GNPAT: variants seen among roughly 807,000 people sequenced by gnomAD.
The protein encoded by GNPAT is glyceronephosphate O-acyltransferase.
GNPAT carries 30 observed loss-of-function variants against 78.4 expected under a neutral mutation model. That is an observed-to-expected ratio of 0.38 (90% CI 0.29 to 0.52). The LOEUF (loss-of-function observed/expected upper bound fraction) is 0.52. Among genes scored for constraint, GNPAT ranks in the 20% least tolerant of loss-of-function variants. The probability of loss-of-function intolerance (pLI) is 0.84; values close to 1 mark genes in which losing one functional copy is unlikely to be tolerated. For synonymous variants in GNPAT, 271 were observed against 281.1 expected (o/e 0.96, Z 0.36); for missense variants, 714 against 812.2 (o/e 0.88, Z 1.47).
At chr1:231,249,681 T>C (rs1684838665) in intron 1 of GNPAT, among the ~76,000 whole-genome samples, 1 of 152,228 alleles carries the variant, frequency 6.6e-6, no homozygotes, top group Admixed American at 6.5e-5. Flanking sequence ...TTCGGGACTC[T>C]GGGAGAGCTT....
At chr1:231,265,110 T>G (rs902067732) in intron 4 of GNPAT, among the ~76,000 whole-genome samples, 183 bp from the exon 5 acceptor site, 2 of 152,230 alleles carry the variant, frequency 1.3e-5, no homozygotes, top group Non-Finnish European at 2.9e-5. Context: ...CCCAGTACTT[T>G]GGGAGGCCGA....
intron 9 of GNPAT, 86 bp from the exon 10 acceptor site, chr1:231,270,672 G>C: frequency 7.7e-7 from 1 of 1,291,752 alleles, no homozygotes; most frequent in South Asian, 1.2e-5. Flanking sequence ...CATCTGTCAC[G>C]TTACCATTAA....
In GNPAT at chr1:231,241,431, C is replaced by G; in HGVS notation, c.53C>G (p.Pro18Arg). ...NSYFSVGPTS[P>R]SAVVLLYSKE... ...TATTTCTCCGTTGGCCCAACCAGTC[C>G]CAGCGCTGTCGTGCTCCTCTACTCG... Residue 18 changes from proline (P) to arginine (R), a missense_variant, in exon 1 of 16, where the codon CCC (proline) becomes CGC (arginine). Physicochemically the swap from Pro to Arg is moderately radical, Grantham distance 103 (BLOSUM62 -2). Coordinates refer to ENST00000366647, the MANE Select transcript of GNPAT (RefSeq NM_014236.4). The G allele has an allele frequency of 1.2e-6, 2 of 1,613,644 alleles. No homozygotes were observed. The highest frequency in any genetic ancestry group is 1.7e-6 in the Non-Finnish European group (2 of 1,179,578).
At chr1:231,256,359 C>G (rs1157469468) in intron 2 of GNPAT, among the ~76,000 whole-genome samples, 1 of 152,054 alleles carries the variant, frequency 6.6e-6, no homozygotes, top group African/African-American at 2.4e-5. Context: ...CCAGTTTTCC[C>G]TGTCTCCAGG....
At chr1:231,259,117 G>A (rs1685149017) in intron 2 of GNPAT, among the ~76,000 whole-genome samples, 1 of 150,892 alleles carries the variant, frequency 6.6e-6, no homozygotes, top group African/African-American at 2.4e-5. Context: ...TTAGTCTTCA[G>A]TCCATTCAGT....
intron 1 of GNPAT, among the ~76,000 whole-genome samples, chr1:231,248,095 G>A (rs1042319628): frequency 6.6e-6 from 1 of 152,078 alleles, no homozygotes; most frequent in African/African-American, 2.4e-5. Flanking sequence ...TGGGAGTTGG[G>A]GGCACCAACC....
In GNPAT at chr1:231,275,393, C is replaced by T. The variant is rs1210593605; in HGVS notation, c.1844-12C>T. 14 of 1,588,340 alleles carry T rather than the reference C, an allele frequency of 8.8e-6. No individual in the cohort carries two copies. Among genetic ancestry groups the T allele is most frequent in the African/African-American group, 6.7e-5 (5 of 74,362 alleles). ...AACTGGTCAACTAACTCTTCCTCACCCCCAATTTTAGGTACCTCTCAATGT... is the reference window on the plus strand; with the variant it reads ...AACTGGTCAACTAACTCTTCCTCACTCCCAATTTTAGGTACCTCTCAATGT... On this transcript the variant is annotated splice_polypyrimidine_tract_variant and intron_variant, in intron 13 of 15. Coordinates refer to ENST00000366647, the MANE Select transcript of GNPAT (RefSeq NM_014236.4).
At chr1:231,255,610 A>T (rs960971458) in intron 2 of GNPAT, among the ~76,000 whole-genome samples, 7 of 151,990 alleles carry the variant, frequency 4.6e-5, no homozygotes, top group African/African-American at 1.7e-4. Flanking sequence ...GTTTTTTAAA[A>T]TTTTTTGTAG....
intron 1 of GNPAT, among the ~76,000 whole-genome samples, chr1:231,243,036 G>T (rs1007527173): frequency 1.3e-5 from 2 of 152,232 alleles, no homozygotes; most frequent in South Asian, 2.1e-4. Context: ...CTTTAGAAGC[G>T]TAGAAGATAC....
At chr1:231,266,501 A>C in intron 8 of GNPAT, 94 bp downstream of exon 8, 1 of 999,654 alleles carries the variant, frequency 1.0e-6, no homozygotes, top group Non-Finnish European at 1.6e-6. Flanking sequence ...CTCTTGATTT[A>C]CTTAAGATTA....
At chr1:231,268,026 G>A in intron 9 of GNPAT, 123 bp downstream of exon 9, 1 of 736,218 alleles carries the variant, frequency 1.4e-6, no homozygotes, top group Non-Finnish European at 2.4e-6. Flanking sequence ...GGACAGGCCG[G>A]GCGCGGTGGT....
chr1:231,247,649 A>G (rs544638740), intron 1 of GNPAT, among the ~76,000 whole-genome samples: 8 of 152,316 alleles, frequency 5.3e-5, no homozygotes, highest in African/African-American at 1.7e-4. Flanking sequence ...GTTCTTCATA[A>G]AAGAGACTGT....
intron 12 of GNPAT, 62 bp downstream of exon 12, chr1:231,274,124 A>C: frequency 4.0e-5 from 56 of 1,416,514 alleles, no homozygotes; most frequent in Non-Finnish European, 5.3e-5. Context: ...AGACATTCTC[A>C]CCCTGTGCTT....
chr1:231,241,509 C>G, intron 1 of GNPAT, 53 bp downstream of exon 1: 1 of 1,279,728 alleles, frequency 7.8e-7, no homozygotes, highest in African/African-American at 1.5e-5. Flanking sequence ...AATAGTACCC[C>G]TTTCTCCCAG....
At chr1:231,246,120 G>T (rs1684740011) in intron 1 of GNPAT, among the ~76,000 whole-genome samples, 1 of 152,192 alleles carries the variant, frequency 6.6e-6, no homozygotes, top group Non-Finnish European at 1.5e-5. Flanking sequence ...GGAAGGTGGA[G>T]ATCCTGTATC....
chr1:231,258,662 C>T lies in GNPAT; in HGVS notation c.262-1845C>T, dbSNP rs1288320012. The stretch of plus-strand genomic sequence containing the variant: ...TTTTTTTTTTTTTGAGACAGAGTCT[C>T]GCTCTGTCGCCCCGGCTGGAGGCAG... On this transcript the variant is annotated intron_variant, in intron 2 of 15. Transcript: ENST00000366647. 8.4e-4 allele frequency among the ~76,000 whole-genome samples: 90 copies of T among 107,690 alleles called. 1 individual carries two copies. The highest frequency in any genetic ancestry group is 2.8e-3 in the African/African-American group (76 of 26,980). 70.6% of individuals were successfully genotyped at this position (107,690 alleles called of 152,430 possible). A position where few individuals can be genotyped will look rare whatever the true frequency, so the allele number is the denominator to read the frequency against.
chr1:231,257,517 C>T (rs965007282), intron 2 of GNPAT, among the ~76,000 whole-genome samples: 1 of 152,184 alleles, frequency 6.6e-6, no homozygotes, highest in Non-Finnish European at 1.5e-5. Context: ...CTTACCTTGA[C>T]TTCTGTGACA....
intron 1 of GNPAT, 86 bp downstream of exon 1, chr1:231,241,542 C>A: frequency 9.6e-7 from 1 of 1,036,522 alleles, no homozygotes; most frequent in South Asian, 1.3e-5. Context: ...CGGCCCACCA[C>A]CCTTGCCCAA....
At chr1:231,274,889 C>A (rs1347550077) in intron 12 of GNPAT, 4 of 303,960 alleles carry the variant, frequency 1.3e-5, no homozygotes, top group South Asian at 3.2e-5. Flanking sequence ...AGAAAAAAAG[C>A]AAAGTTATTA....
Sources: allele counts gnomAD v4.1 joint callset (sites outside exome capture counted in the v4.1 genomes callset), GRCh38; gene constraint gnomAD v4.1.1; transcripts MANE v1.5; gene names NCBI Gene and HGNC (gene_info 2026-07-23, HGNC 2026-07-21).